Variants in PCCB observed in about 807,000 individuals in gnomAD.
PCCB encodes propionyl-CoA carboxylase beta chain, mitochondrial.
PCCB carries 43 observed loss-of-function variants against 60.7 expected under a neutral mutation model. The ratio of observed to expected loss-of-function variants is 0.71; its 90% CI spans 0.55 to 0.91. The LOEUF (loss-of-function observed/expected upper bound fraction) is 0.91, where lower values mean the gene tolerates loss of function less well. PCCB is among the 40% of genes least tolerant of loss of function. The pLI is 0.00. For synonymous variants in PCCB, 276 were observed against 255.9 expected, an observed-to-expected ratio of 1.08 and a Z score of -0.75; for missense variants, 766 against 702.8, an observed-to-expected ratio of 1.09 and a Z score of -1.02.
chr3:136,302,100 A>G (rs1934309607), intron 9 of PCCB, among the ~76,000 whole-genome samples: 1 of 152,254 alleles, frequency 6.6e-6, no homozygotes, highest in Admixed American at 6.5e-5. Context: ...CACCTCTGTG[A>G]TCAGAAGCAG....
intron 5 of PCCB, among the ~76,000 whole-genome samples, chr3:136,268,092 ATATATATATATATATATATATATATATAT>A (rs1942070298): frequency 3.7e-5 from 2 of 54,474 alleles, no homozygotes; most frequent in Non-Finnish European, 3.7e-5. Context: ...GTGTAGATAT[ATATATATATATATATATATATATATATAT>A]GTATATATAT....
intron 9 of PCCB, among the ~76,000 whole-genome samples, chr3:136,316,008 C>T (rs371863512): frequency 1.2e-4 from 18 of 151,934 alleles, no homozygotes; most frequent in East Asian, 9.7e-4. Flanking sequence ...TGCTCAAGGC[C>T]AGGAATTGGA....
chr3:136,323,819 A>C (rs983387363), intron 10 of PCCB, among the ~76,000 whole-genome samples: 10 of 151,800 alleles, frequency 6.6e-5, no homozygotes, highest in Admixed American at 3.3e-4. Flanking sequence ...AAAAAAAAAA[A>C]AAAACCCACT....
intron 5 of PCCB, among the ~76,000 whole-genome samples, chr3:136,270,434 T>C (rs547419135): frequency 6.6e-6 from 1 of 152,322 alleles, no homozygotes; most frequent in South Asian, 2.1e-4. Flanking sequence ...TATGAACTTT[T>C]CTGATTTCAG....
chr3:136,316,892 T>A (rs1934915795), intron 9 of PCCB, 49 bp from the exon 10 acceptor site: 2 of 1,604,248 alleles, frequency 1.2e-6, no homozygotes, highest in Non-Finnish European at 8.5e-7. Flanking sequence ...CATTACATCT[T>A]ATACTTGTCT....
intron 3 of PCCB, chr3:136,259,135 G>A: frequency 6.9e-7 from 1 of 1,454,094 alleles, no homozygotes; most frequent in Non-Finnish European, 9.0e-7. Flanking sequence ...GAAGCAGTGA[G>A]AGCTCTGATT....
At chr3:136,286,049 C>A (rs1933387070) in intron 6 of PCCB, among the ~76,000 whole-genome samples, 1 of 152,162 alleles carries the variant, frequency 6.6e-6, no homozygotes, top group South Asian at 2.1e-4. Context: ...TTAGCCCTAC[C>A]AGGTGCCAGG....
chr3:136,268,096 A>ATATGTG lies in PCCB; in HGVS notation c.543+6034_543+6035insGTGTAT, dbSNP rs201311495. 1.6e-4 allele frequency among the ~76,000 whole-genome samples: 17 copies of ATATGTG among 106,506 alleles called. 1 individual carries two copies. The highest frequency in any genetic ancestry group is 5.2e-4 in the East Asian group (2 of 3,872). The allele number at this position is 106,506 out of a possible 152,430, so 69.9% of individuals were successfully genotyped here. ...TGTGTGTGTGTGTGTAGATATATAT[A>ATATGTG]TATATATATATATATATATATATAT... On this transcript the variant is annotated intron_variant, in intron 5 of 14. Coordinates refer to ENST00000251654, the MANE Select transcript of PCCB (RefSeq NM_000532.5).
chr3:136,297,963 A>G lies in PCCB; in HGVS notation c.775A>G (p.Arg259Gly). 6.2e-7 allele frequency: 1 copy of G among 1,614,168 alleles called. No homozygotes were observed. Among genetic ancestry groups the G allele is most frequent in the South Asian group, 1.1e-5 (1 of 91,076 alleles). Reference sequence around the variant, plus strand: ...CCCTGTTCTCTTAGGTGTGGCCCACAGAGCTTTTGAAAATGATGTTGATGC... The same window carrying G: ...CCCTGTTCTCTTAGGTGTGGCCCACGGAGCTTTTGAAAATGATGTTGATGC... ...THTTMSGVAHRAFENDVDALC... is the reference protein window; with the variant it reads ...THTTMSGVAHGAFENDVDALC... The change falls in exon 8 of 15, where the codon AGA (arginine) becomes GGA (glycine). Residue 259 changes from arginine (R) to glycine (G), a missense_variant. Arg to Gly is a moderately radical substitution (Grantham distance 125, BLOSUM62 -2). Transcript: ENST00000251654.
In PCCB at chr3:136,328,760, C is replaced by T. The variant is rs142915585; in HGVS notation, c.1401C>T (p.Gly467=). ...TAEIAVMGAK[G]AVEIIFKGHE... Reference sequence around the variant, plus strand: ...TTCATGAACTCCTCTAATCACAGGGCGCTGTGGAGATCATCTTCAAAGGGC... The same window carrying T: ...TTCATGAACTCCTCTAATCACAGGGTGCTGTGGAGATCATCTTCAAAGGGC... Residue 467 remains glycine, a splice_region_variant and synonymous_variant, in exon 14 of 15, where the codon GGC becomes GGT. Transcript: ENST00000251654. The T allele has an allele frequency of 5.0e-6, 8 of 1,612,802 alleles. No homozygotes were observed. In the African/African-American group the frequency reaches 6.7e-5, roughly 13 times the overall value.
intron 12 of PCCB, 102 bp downstream of exon 12, chr3:136,327,357 C>A (rs1179191571): frequency 3.5e-6 from 3 of 851,206 alleles, no homozygotes; most frequent in Non-Finnish European, 6.0e-6. Context: ...AGGAGTACAC[C>A]TTGCTCATCC....
chr3:136,320,989 G>A (rs952494212), intron 10 of PCCB, among the ~76,000 whole-genome samples: 1 of 152,170 alleles, frequency 6.6e-6, no homozygotes, highest in Non-Finnish European at 1.5e-5. Flanking sequence ...TATGGAGGAA[G>A]TTTCCATCTG....
At chr3:136,250,633 T>C in intron 1 of PCCB, 75 bp downstream of exon 1, 5 of 1,429,432 alleles carry the variant, frequency 3.5e-6, no homozygotes, top group Non-Finnish European at 4.7e-6. Flanking sequence ...GCTTGCGGCG[T>C]CCGAGGCCTC....
At chr3:136,251,525 A>G (rs1941515680) in intron 1 of PCCB, among the ~76,000 whole-genome samples, 1 of 152,236 alleles carries the variant, frequency 6.6e-6, no homozygotes, top group Non-Finnish European at 1.5e-5. Context: ...TTCAGATGTC[A>G]TAAATTCGCA....
At chr3:136,308,871 G>T (rs1347951744) in intron 9 of PCCB, among the ~76,000 whole-genome samples, 1 of 151,822 alleles carries the variant, frequency 6.6e-6, no homozygotes, top group African/African-American at 2.4e-5. Context: ...AATTCTAAAA[G>T]AAAAAAAGAC....
intron 5 of PCCB, among the ~76,000 whole-genome samples, chr3:136,273,363 T>G (rs765569116): frequency 3.1e-4 from 47 of 152,218 alleles, no homozygotes; most frequent in Middle Eastern, 3.4e-3. Context: ...GTCCATTGCT[T>G]CTTTGTTGAG....
rs761075403 is a variant in PCCB, at chr3:136,327,003, A to T, written c.1198+93A>T. On this transcript the variant is annotated intron_variant, in intron 11 of 14. Coordinates refer to ENST00000251654, the MANE Select transcript of PCCB (RefSeq NM_000532.5). ...GATCTTCTTGCAGAACTCCCCGAGG[A>T]CTTGTGACTTCTCCATGTATTCTGG... 4.5e-6 allele frequency: 5 copies of T among 1,108,466 alleles called. No individual in the cohort carries two copies. In the East Asian group the frequency reaches 7.0e-5, roughly 16 times the overall value. 68.7% of individuals were successfully genotyped at this position (1,108,466 alleles called of 1,614,324 possible).
chr3:136,330,119 A>T lies in PCCB; in HGVS notation c.*93A>T. ...TTGCAATCATGAAACCTGGGAATCC[A>T]AATAGTTGGATAACTTAGAATAACT... On this transcript the variant is annotated 3_prime_UTR_variant, in exon 15 of 15. Transcript: ENST00000251654. 1 of 1,601,606 alleles carries T rather than the reference A, an allele frequency of 6.2e-7. No homozygotes were observed. The highest frequency in any genetic ancestry group is 1.1e-5 in the South Asian group (1 of 90,174).
chr3:136,300,797 T>C (rs558799550), intron 8 of PCCB, among the ~76,000 whole-genome samples: 1 of 152,224 alleles, frequency 6.6e-6, no homozygotes, highest in South Asian at 2.1e-4. Context: ...AATAAACTCA[T>C]TTTTTCCTCT....
Sources: allele counts gnomAD v4.1 joint callset (sites outside exome capture counted in the v4.1 genomes callset), GRCh38; gene constraint gnomAD v4.1.1; transcripts MANE v1.5; gene names NCBI Gene and HGNC (gene_info 2026-07-23, HGNC 2026-07-21).